Variants in VSTM2B observed in about 807,000 individuals in gnomAD.
VSTM2B encodes V-set and transmembrane domain-containing protein 2B.
A neutral mutation model predicts 24.0 loss-of-function variants in VSTM2B; 24 were observed. The observed-to-expected ratio is 1.00, with a 90% CI of 0.72 to 1.40. VSTM2B has a LOEUF of 1.40. VSTM2B is among the 40% of genes most tolerant of loss of function. The pLI, the probability that VSTM2B is intolerant of heterozygous loss-of-function variation, is 0.00. For synonymous variants in VSTM2B, 226 were observed against 194.4 expected, an observed-to-expected ratio of 1.16 and a Z score of -1.35; for missense variants, 399 against 416.4, an observed-to-expected ratio of 0.96 and a Z score of 0.36.
At position 29,526,529 on chromosome 19, in the gene VSTM2B, C is replaced by T. The variant is rs1969571307; in HGVS notation, c.-55C>T. 2.1e-5 allele frequency: 29 copies of T among 1,407,834 alleles called. No individual in the cohort carries two copies. The highest frequency in any genetic ancestry group is 2.5e-5 in the Non-Finnish European group (27 of 1,059,950). The allele number at this position is 1,407,834 out of a possible 1,614,324, so 87.2% of individuals were successfully genotyped here. A position where few individuals can be genotyped will look rare whatever the true frequency, so the allele number is the denominator to read the frequency against. ...GAGCCGGAGCCGATCCGAGCCCACG[C>T]GGCCGCCGCCTCTCCGCTCCCGGGC... On this transcript the variant is annotated 5_prime_UTR_variant, in exon 1 of 5. Transcript: ENST00000335523. This position sits in a 1 kb window ranked among gnomAD's most constrained non-coding sequence, Gnocchi z 4.1.
chr19:29,530,197 A>ACGCCCACCACC lies in VSTM2B; in HGVS notation c.677_687dup (p.Thr230ArgfsTer48), dbSNP rs1568437265. On this transcript the variant is annotated frameshift_variant, in exon 4 of 5. Transcript: ENST00000335523. LOFTEE classifies it high-confidence loss of function. ...GGCCGCGGCAGCCTCGGCGGCCCAC[A>ACGCCCACCACC]CGCCCACCACCACAGTCGCGGCAGC... 8.0e-6 allele frequency: 12 copies of ACGCCCACCACC among 1,495,804 alleles called. No homozygotes were observed. The highest frequency in any genetic ancestry group is 9.7e-6 in the Non-Finnish European group (11 of 1,129,876). 92.7% of individuals were successfully genotyped at this position (1,495,804 alleles called of 1,614,324 possible). A position where few individuals can be genotyped will look rare whatever the true frequency, so the allele number is the denominator to read the frequency against.
Position 29,564,152 on chromosome 19 carries a change from G to C in VSTM2B, c.*218G>C, listed in dbSNP as rs1970596829. 2.0e-6 allele frequency: 1 copy of C among 497,242 alleles called. No individual in the cohort carries two copies. 30.8% of individuals were successfully genotyped at this position (497,242 alleles called of 1,614,324 possible). A position where few individuals can be genotyped will look rare whatever the true frequency, so the allele number is the denominator to read the frequency against. Reference sequence around the variant, plus strand: ...AATAATTTGGAGTTTGGCCCATGCAGTCTGCATGGGAATCAATGATTTCTC... The same window carrying C: ...AATAATTTGGAGTTTGGCCCATGCACTCTGCATGGGAATCAATGATTTCTC... On this transcript the variant is annotated 3_prime_UTR_variant, in exon 5 of 5. Coordinates refer to ENST00000335523, the MANE Select transcript of VSTM2B (RefSeq NM_001146339.2).
In VSTM2B at chr19:29,534,671, G is replaced by A. The variant is rs377161666; in HGVS notation, c.769+4381G>A. 1.5e-4 allele frequency among the ~76,000 whole-genome samples: 23 copies of A among 151,276 alleles called. 1 individual carries two copies. Among genetic ancestry groups the A allele is most frequent in the African/African-American group, 5.3e-4 (22 of 41,200 alleles). ...GCGGAGTTTGAAGTGAGCCGAGATC[G>A]CGCCATTGCACTCCAGCGTGGGCAA... is the stretch of plus-strand genomic sequence containing the variant. On this transcript the variant is annotated intron_variant, in intron 4 of 4. Coordinates refer to ENST00000335523, the MANE Select transcript of VSTM2B (RefSeq NM_001146339.2).
Position 29,526,783 on chromosome 19 carries a change from T to C in VSTM2B, c.82+118T>C. 1 of 964,972 alleles carries C rather than the reference T, an allele frequency of 1.0e-6. No homozygotes were observed. The highest frequency in any genetic ancestry group is 1.5e-6 in the Non-Finnish European group (1 of 664,266). 59.8% of individuals were successfully genotyped at this position (964,972 alleles called of 1,614,324 possible). On this transcript the variant is annotated intron_variant, in intron 1 of 4. Coordinates refer to ENST00000335523, the MANE Select transcript of VSTM2B (RefSeq NM_001146339.2). This position sits in a 1 kb window ranked among gnomAD's most constrained non-coding sequence, Gnocchi z 4.1. Reference sequence around the variant, plus strand: ...GCTTCGCGGTCTCCAGCAATCCCGCTGTGCAGCCTGGGCCCGGAGGGGTAG... The same window carrying C: ...GCTTCGCGGTCTCCAGCAATCCCGCCGTGCAGCCTGGGCCCGGAGGGGTAG...
At position 29,526,689 on chromosome 19, in the gene VSTM2B, G is replaced by C. The variant is rs1363328829; in HGVS notation, c.82+24G>C. On this transcript the variant is annotated intron_variant, in intron 1 of 4. Coordinates refer to ENST00000335523, the MANE Select transcript of VSTM2B (RefSeq NM_001146339.2). The surrounding 1 kb of genome is among the most constrained non-coding windows in gnomAD (Gnocchi z 4.1). Reference sequence around the variant, plus strand: ...CGGTGAGCGCGGGAACTTTGCTGCCGCTGTGGACTCGGGGGGGTCTTTGCT... The same window carrying C: ...CGGTGAGCGCGGGAACTTTGCTGCCCCTGTGGACTCGGGGGGGTCTTTGCT... 2 of 1,521,938 alleles carry C rather than the reference G, an allele frequency of 1.3e-6. No homozygotes were observed. The highest frequency in any genetic ancestry group is 1.8e-6 in the Non-Finnish European group (2 of 1,138,592). 94.3% of individuals were successfully genotyped at this position (1,521,938 alleles called of 1,614,324 possible). A position where few individuals can be genotyped will look rare whatever the true frequency, so the allele number is the denominator to read the frequency against.
intron 4 of VSTM2B, among the ~76,000 whole-genome samples, chr19:29,534,276 C>T (rs1179618658): frequency 2.0e-5 from 3 of 152,204 alleles, no homozygotes; most frequent in African/African-American, 7.2e-5. Context: ...CTCCTCCTGC[C>T]CTCCATTCCC....
At position 29,527,909 on chromosome 19, in the gene VSTM2B, A is replaced by G. The variant is rs562925591; in HGVS notation, c.267+514A>G. 5.3e-5 allele frequency among the ~76,000 whole-genome samples: 8 copies of G among 152,164 alleles called. No individual in the cohort carries two copies. In the East Asian group the frequency reaches 1.6e-3, roughly 30 times the overall value. ...GGCCCACGCTGCCTGTCTGCCTCAA[A>G]ACCCACACTCTCTTACACACTCTAG... On this transcript the variant is annotated intron_variant, in intron 2 of 4. Transcript: ENST00000335523.
intron 4 of VSTM2B, among the ~76,000 whole-genome samples, chr19:29,535,396 C>T (rs1375558070): frequency 2.0e-5 from 3 of 152,224 alleles, no homozygotes; most frequent in Admixed American, 6.5e-5. Flanking sequence ...ACGTTGGGAT[C>T]AGAGCAGTGG....
At chr19:29,529,762 C>T (rs1568436531) in intron 3 of VSTM2B, 57 bp from the exon 4 acceptor site, 2 of 1,509,376 alleles carry the variant, frequency 1.3e-6, no homozygotes, top group Non-Finnish European at 1.8e-6. Flanking sequence ...GCCAGGGTGG[C>T]CAGAAGAGTA....
chr19:29,528,641 C>T (rs1340204580), intron 3 of VSTM2B, among the ~76,000 whole-genome samples, 179 bp downstream of exon 3: 5 of 152,246 alleles, frequency 3.3e-5, no homozygotes, highest in African/African-American at 1.2e-4. Context: ...TCGCCGGTTG[C>T]AGGGTCGGGT....
Position 29,564,148 on chromosome 19 carries a change from T to G in VSTM2B, c.*214T>G. 2.0e-6 allele frequency: 1 copy of G among 510,080 alleles called. No individual in the cohort carries two copies. Among genetic ancestry groups the G allele is most frequent in the Non-Finnish European group, 3.5e-6 (1 of 282,704 alleles). The allele number at this position is 510,080 out of a possible 1,614,324, so 31.6% of individuals were successfully genotyped here. ...TCCAAATAATTTGGAGTTTGGCCCA[T>G]GCAGTCTGCATGGGAATCAATGATT... On this transcript the variant is annotated 3_prime_UTR_variant, in exon 5 of 5. Transcript: ENST00000335523.
At chr19:29,556,510 C>A (rs1970412008) in intron 4 of VSTM2B, among the ~76,000 whole-genome samples, 1 of 152,144 alleles carries the variant, frequency 6.6e-6, no homozygotes, top group Non-Finnish European at 1.5e-5. Flanking sequence ...TCCTATTCAC[C>A]ATAGTGTTGG....
At chr19:29,539,856 C>G (rs1350346407) in intron 4 of VSTM2B, among the ~76,000 whole-genome samples, 1 of 152,200 alleles carries the variant, frequency 6.6e-6, no homozygotes, top group Non-Finnish European at 1.5e-5. Context: ...GTCTCCACCC[C>G]TCACGCCCAT....
At chr19:29,562,052 T>C (rs1213222492) in intron 4 of VSTM2B, among the ~76,000 whole-genome samples, 1 of 152,214 alleles carries the variant, frequency 6.6e-6, no homozygotes, top group East Asian at 1.9e-4. Flanking sequence ...CAGAACTGTG[T>C]GCAGAAGCGA....
intron 4 of VSTM2B, among the ~76,000 whole-genome samples, chr19:29,540,690 C>A (rs1252792412): frequency 6.6e-6 from 1 of 152,156 alleles, no homozygotes; most frequent in African/African-American, 2.4e-5. Context: ...GTCCATGGAG[C>A]ATTTTTTTAT....
chr19:29,526,562 G>A lies in VSTM2B; in HGVS notation c.-22G>A, dbSNP rs1304597266. The stretch of plus-strand genomic sequence containing the variant: ...GCCTCTCCGCTCCCGGGCCCCCGCC[G>A]CCACCGCGCCCCCCGCGGGAGATGG... On this transcript the variant is annotated 5_prime_UTR_variant, in exon 1 of 5. Coordinates refer to ENST00000335523, the MANE Select transcript of VSTM2B (RefSeq NM_001146339.2). The surrounding 1 kb of genome is among the most constrained non-coding windows in gnomAD (Gnocchi z 4.1). The A allele has an allele frequency of 2.7e-6, 4 of 1,495,720 alleles. No individual in the cohort carries two copies. The South Asian group carries it at 3.7e-5, about 14-fold the overall frequency. 92.7% of individuals were successfully genotyped at this position (1,495,720 alleles called of 1,614,324 possible).
At chr19:29,538,853 G>T (rs1170125811) in intron 4 of VSTM2B, among the ~76,000 whole-genome samples, 2 of 152,086 alleles carry the variant, frequency 1.3e-5, no homozygotes, top group South Asian at 2.1e-4. Flanking sequence ...ATTCGTGGGG[G>T]ATCCACTCCC....
rs375628042 is a variant in VSTM2B, at chr19:29,527,110, G to T, written c.83-101G>T. On this transcript the variant is annotated intron_variant, in intron 1 of 4. Transcript: ENST00000335523. ...GCCAGGGAGCAGCTGCGGGGTGGGG[G>T]GCACAAGGCCAGCCAGCCAGAGACC... 2.5e-5 allele frequency: 27 copies of T among 1,068,542 alleles called. 2 individuals are homozygous for T. In the African/African-American group the frequency reaches 3.2e-4, roughly 13 times the overall value. 66.2% of individuals were successfully genotyped at this position (1,068,542 alleles called of 1,614,324 possible). A position where few individuals can be genotyped will look rare whatever the true frequency, so the allele number is the denominator to read the frequency against.
Position 29,529,999 on chromosome 19 carries a change from G to T in VSTM2B, c.478G>T (p.Ala160Ser). ...CTTCGCGCCGCCCAACATGCAGGCC[G>T]CCGAGGCCGTGTCCCACATCCAGAG... ...SRFAPPNMQA[A>S]EAVSHIQSSG... The change falls in exon 4 of 5, where the codon GCC becomes TCC. Residue 160 changes from alanine to serine, a missense_variant. Ala to Ser is a moderately conservative substitution (Grantham distance 99). Transcript: ENST00000335523. 1.3e-6 allele frequency: 2 copies of T among 1,541,580 alleles called. No homozygotes were observed. The highest frequency in any genetic ancestry group is 1.7e-6 in the Non-Finnish European group (2 of 1,146,246).
Sources: allele counts gnomAD v4.1 joint callset (sites outside exome capture counted in the v4.1 genomes callset), GRCh38; gene constraint gnomAD v4.1.1; non-coding constraint Gnocchi (gnomAD v3.1); transcripts MANE v1.5; gene names NCBI Gene and HGNC (gene_info 2026-07-23, HGNC 2026-07-21).